The following TTC29 variants were observed in gnomAD, a reference collection of about 807,000 sequenced individuals.
The protein encoded by TTC29 is tetratricopeptide repeat protein 29.
In TTC29, 49 loss-of-function variants were observed where a neutral mutation model predicts 58.1. The observed-to-expected ratio is 0.84, with a 90% CI of 0.67 to 1.07. TTC29 has a LOEUF of 1.07. Ranked by LOEUF, TTC29 falls within the 50% of genes least tolerant of loss-of-function variation. The pLI is 0.00. For synonymous variants in TTC29, 209 were observed against 196.8 expected (o/e 1.06, Z -0.52); for missense variants, 582 against 555.6 (o/e 1.05, Z -0.48).
intron 8 of TTC29, among the ~76,000 whole-genome samples, chr4:146,858,878 C>T (rs1730047157): frequency 6.6e-6 from 1 of 152,138 alleles, no homozygotes; most frequent in Non-Finnish European, 1.5e-5. Flanking sequence ...TAGAGCCCAT[C>T]AATTAATGAT....
chr4:146,719,916 G>A (rs996565971), intron 11 of TTC29, among the ~76,000 whole-genome samples: 11 of 152,074 alleles, frequency 7.2e-5, no homozygotes, highest in Non-Finnish European at 1.6e-4. Context: ...AAATCATTTG[G>A]TGCCACGTAA....
rs1186987694 is a variant in TTC29, at chr4:146,909,051, G to T, written c.375C>A (p.Thr125=). The T allele has an allele frequency of 3.1e-6, 5 of 1,613,724 alleles. No individual in the cohort carries two copies. Among genetic ancestry groups the T allele is most frequent in the Non-Finnish European group, 4.2e-6 (5 of 1,179,848 alleles). The change falls in exon 5 of 13, where the codon ACC becomes ACA. Residue 125 remains threonine (T), a synonymous_variant. Transcript: ENST00000325106. The part of the protein sequence containing the change: ...DKLDYLYHYL[T]RAEDAERKES... ...CTTTCCTCTCAGCGTCCTCAGCCCT[G>T]GTCAGGTAATGGTACAGGTAATCCA...
chr4:146,909,164 T>C lies in TTC29; in HGVS notation c.262A>G (p.Met88Val), dbSNP rs1468971448. 6.2e-7 allele frequency: 1 copy of C among 1,613,628 alleles called. No individual in the cohort carries two copies. The highest frequency in any genetic ancestry group is 8.5e-7 in the Non-Finnish European group (1 of 1,179,778). ...TCCCTCAGGGCATCCCACCGCTCCA[T>C]CAGAGCGAAGAGCTCGGTGAAGGAC... The part of the protein sequence containing the change: ...HKSFTELFAL[M>V]ERWDALREAA... The change falls in exon 5 of 13, where the codon ATG (methionine) becomes GTG (valine). Residue 88 changes from methionine to valine, a missense_variant. Physicochemically the swap from Met to Val is conservative, Grantham distance 21. Transcript: ENST00000325106.
At chr4:146,742,313 C>A (rs1182710401) in intron 11 of TTC29, among the ~76,000 whole-genome samples, 1 of 152,146 alleles carries the variant, frequency 6.6e-6, no homozygotes, top group Non-Finnish European at 1.5e-5. Flanking sequence ...CAACCACAAG[C>A]ATTTCTCTGT....
intron 11 of TTC29, among the ~76,000 whole-genome samples, chr4:146,769,999 G>A (rs1054127615): frequency 5.3e-5 from 8 of 151,940 alleles, no homozygotes; most frequent in African/African-American, 1.4e-4. Context: ...TAGAGAAGCC[G>A]ATGATTTGCT....
chr4:146,757,852 A>G (rs1431291419), intron 11 of TTC29, among the ~76,000 whole-genome samples: 1 of 152,188 alleles, frequency 6.6e-6, no homozygotes, highest in Non-Finnish European at 1.5e-5. Flanking sequence ...ACATCAAAAT[A>G]AAACCTCTTT....
At chr4:146,914,660 G>C (rs1440905707) in intron 4 of TTC29, among the ~76,000 whole-genome samples, 2 of 152,034 alleles carry the variant, frequency 1.3e-5, no homozygotes, top group Non-Finnish European at 2.9e-5. Flanking sequence ...CAGATACTTG[G>C]GGCTGCAACG....
At chr4:146,846,941 T>C (rs539546166) in intron 8 of TTC29, among the ~76,000 whole-genome samples, 65 of 152,338 alleles carry the variant, frequency 4.3e-4, no homozygotes, top group Admixed American at 1.2e-3. Flanking sequence ...ATTATTCTGA[T>C]AAACTCGGTA....
chr4:146,737,596 G>A (rs9991227), intron 11 of TTC29, among the ~76,000 whole-genome samples: 3 of 149,554 alleles, frequency 2.0e-5, no homozygotes, highest in African/African-American at 5.0e-5. Flanking sequence ...GCCCTGGGGG[G>A]GGGGGGGCTA....
At position 146,873,978 on chromosome 4, in the gene TTC29, T is replaced by C. The variant is rs373691836; in HGVS notation, c.799+738A>G. On this transcript the variant is annotated intron_variant, in intron 7 of 12. Coordinates refer to ENST00000325106, the MANE Select transcript of TTC29 (RefSeq NM_031956.4). Reference sequence around the variant, plus strand: ...AGGCTACTCTAGTAATAATTTACTATATGGTAACAAAATATCTGTGCATTT... The same window carrying C: ...AGGCTACTCTAGTAATAATTTACTACATGGTAACAAAATATCTGTGCATTT... Among the ~76,000 whole-genome samples, 6 of 152,298 alleles carry C rather than the reference T, an allele frequency of 3.9e-5. No homozygotes were observed. In the East Asian group the frequency reaches 9.6e-4, roughly 24 times the overall value.
intron 10 of TTC29, among the ~76,000 whole-genome samples, chr4:146,803,953 G>A (rs1026096669): frequency 6.6e-6 from 1 of 152,146 alleles, no homozygotes; most frequent in Non-Finnish European, 1.5e-5. Flanking sequence ...TGCAATGTCT[G>A]GCAAGATGAC....
intron 11 of TTC29, among the ~76,000 whole-genome samples, chr4:146,709,614 C>G (rs566338290): frequency 2.6e-5 from 4 of 152,056 alleles, no homozygotes; most frequent in Non-Finnish European, 5.9e-5. Flanking sequence ...GCCTGAGATG[C>G]CTCGTCTTAA....
intron 4 of TTC29, among the ~76,000 whole-genome samples, chr4:146,918,064 A>G (rs1288758358): frequency 6.6e-6 from 1 of 150,958 alleles, no homozygotes; most frequent in Non-Finnish European, 1.5e-5. Flanking sequence ...TAGAATTTTT[A>G]TGTGATTATC....
chr4:146,903,409 CT>C (rs1197742346), intron 6 of TTC29, 134 bp downstream of exon 6: 4 of 730,120 alleles, frequency 5.5e-6, no homozygotes, highest in Non-Finnish European at 8.2e-6. Flanking sequence ...CATGGTTTTG[CT>C]TTTTGATCTC....
Position 146,707,440 on chromosome 4 carries a change from G to A in TTC29, c.1397+45C>T, listed in dbSNP as rs375560621. 5.9e-5 allele frequency: 81 copies of A among 1,382,198 alleles called. 1 individual carries two copies. Among genetic ancestry groups the A allele is most frequent in the African/African-American group, 5.2e-4 (36 of 69,822 alleles). 85.6% of individuals were successfully genotyped at this position (1,382,198 alleles called of 1,614,324 possible). On this transcript the variant is annotated intron_variant, in intron 12 of 12. Transcript: ENST00000325106. ...AATGAGATTATGCTTAGTATATTGCGCAAAGTGGGTACTTAATAGAAACTT... is the reference window on the plus strand; with the variant it reads ...AATGAGATTATGCTTAGTATATTGCACAAAGTGGGTACTTAATAGAAACTT...
At chr4:146,786,500 A>G (rs1267130639) in intron 11 of TTC29, among the ~76,000 whole-genome samples, 1 of 152,162 alleles carries the variant, frequency 6.6e-6, no homozygotes, top group Non-Finnish European at 1.5e-5. Context: ...TGATTTCCAG[A>G]TATTCTCCCC....
chr4:146,866,307 A>T lies in TTC29; in HGVS notation c.885+1191T>A, dbSNP rs866009512. On this transcript the variant is annotated intron_variant, in intron 8 of 12. Coordinates refer to ENST00000325106, the MANE Select transcript of TTC29 (RefSeq NM_031956.4). Reference sequence around the variant, plus strand: ...CTTCCACCTAAGTCCTTGCTTCCCAACACACTGAGTATGTCCATGTTGAGT... The same window carrying T: ...CTTCCACCTAAGTCCTTGCTTCCCATCACACTGAGTATGTCCATGTTGAGT... 2.0e-5 allele frequency among the ~76,000 whole-genome samples: 3 copies of T among 152,284 alleles called. No individual in the cohort carries two copies. The South Asian group carries it at 6.2e-4, about 32-fold the overall frequency.
chr4:146,941,379 G>A (rs1286036078), intron 2 of TTC29, among the ~76,000 whole-genome samples: 1 of 152,224 alleles, frequency 6.6e-6, no homozygotes, highest in Non-Finnish European at 1.5e-5. Flanking sequence ...TATTTAATGA[G>A]CTCCTATTTG....
At chr4:146,814,360 T>A (rs1751237645) in intron 10 of TTC29, among the ~76,000 whole-genome samples, 1 of 149,708 alleles carries the variant, frequency 6.7e-6, no homozygotes, top group East Asian at 2.0e-4. Flanking sequence ...AGCAGGAGAA[T>A]CCTTTGAGTC....
Sources: allele counts gnomAD v4.1 joint callset (sites outside exome capture counted in the v4.1 genomes callset), GRCh38; gene constraint gnomAD v4.1.1; transcripts MANE v1.5; gene names NCBI Gene and HGNC (gene_info 2026-07-23, HGNC 2026-07-21).